LINGO2: variants seen among roughly 807,000 people sequenced by gnomAD.
LINGO2 encodes the protein leucine-rich repeat and immunoglobulin-like domain-containing nogo receptor-interacting protein 2.
In LINGO2, 14 loss-of-function variants were observed where a neutral mutation model predicts 30.6. The observed-to-expected ratio is 0.46, with a 90% confidence interval of 0.30 to 0.72. The LOEUF (loss-of-function observed/expected upper bound fraction) is 0.72. Ranked by LOEUF, LINGO2 falls within the 30% of genes least tolerant of loss-of-function variation. The pLI is 0.07. For missense variants in LINGO2, 729 were observed against 751.7 expected (o/e 0.97, Z 0.35); for synonymous variants, 317 against 288.5 (o/e 1.10, Z -1.00).
At chr9:28,760,567 C>A in the LINGO2 span, among the ~76,000 whole-genome samples, 10 of 151,860 alleles carry the variant, frequency 6.6e-5, no homozygotes, top group Admixed American at 6.6e-4. Flanking sequence ...TGAGTAAGTT[C>A]TTTAGCGGTG....
chr9:28,507,897 A>T (rs1440384593), intron 1 of LINGO2, among the ~76,000 whole-genome samples: 1 of 152,062 alleles, frequency 6.6e-6, no homozygotes, highest in African/African-American at 2.4e-5. Context: ...CTTAGGTATT[A>T]TATTTTGTGA....
intron 1 of LINGO2, among the ~76,000 whole-genome samples, chr9:28,589,437 A>T (rs1824749402): frequency 6.6e-6 from 1 of 152,150 alleles, no homozygotes. Context: ...TAAGCTGATA[A>T]GCAACTTCAG....
intron 3 of LINGO2, among the ~76,000 whole-genome samples, chr9:28,362,052 G>T (rs1209922513): frequency 1.3e-5 from 2 of 152,166 alleles, no homozygotes; most frequent in Non-Finnish European, 2.9e-5. Context: ...CATAATACTT[G>T]CTAAAACATA....
chr9:28,837,643 G>A, the LINGO2 span, among the ~76,000 whole-genome samples: 7 of 51,422 alleles, frequency 1.4e-4, no homozygotes, highest in East Asian at 9.0e-4. Flanking sequence ...GCAAAACTCC[G>A]TCTAAAATAT....
At chr9:27,955,405 A>AG (rs1265482912) in intron 5 of LINGO2, among the ~76,000 whole-genome samples, 4 of 152,190 alleles carry the variant, frequency 2.6e-5, no homozygotes, top group Non-Finnish European at 5.9e-5. Context: ...CACCTTTGTA[A>AG]GCACCATCAC....
At chr9:28,264,684 A>C (rs1352143328) in intron 4 of LINGO2, among the ~76,000 whole-genome samples, 1 of 151,924 alleles carries the variant, frequency 6.6e-6, no homozygotes, top group Non-Finnish European at 1.5e-5. Context: ...TCGGCCACAC[A>C]CACTGAGTAC....
At chr9:28,281,119 GA>G (rs558795525) in intron 4 of LINGO2, among the ~76,000 whole-genome samples, 12 of 152,196 alleles carry the variant, frequency 7.9e-5, no homozygotes, top group Admixed American at 7.2e-4. Flanking sequence ...AGAGTTACTG[GA>G]AAAGAAGGTA....
the LINGO2 span, among the ~76,000 whole-genome samples, chr9:28,755,783 G>A: frequency 6.6e-6 from 1 of 152,034 alleles, no homozygotes; most frequent in Non-Finnish European, 1.5e-5. Flanking sequence ...TTAAATGTTT[G>A]CTCCGTGTCT....
At chr9:28,235,692 A>G (rs1821537121) in intron 4 of LINGO2, among the ~76,000 whole-genome samples, 1 of 152,190 alleles carries the variant, frequency 6.6e-6, no homozygotes, top group African/African-American at 2.4e-5. Flanking sequence ...AATGCCACTG[A>G]CATGCTGAAG....
the LINGO2 span, among the ~76,000 whole-genome samples, chr9:29,162,543 C>G: frequency 6.6e-6 from 1 of 151,750 alleles, no homozygotes; most frequent in South Asian, 2.1e-4. Flanking sequence ...ATGAAAGGCA[C>G]AATAGATGAA....
chr9:28,578,475 A>T (rs1345399702), intron 1 of LINGO2, among the ~76,000 whole-genome samples: 1 of 152,178 alleles, frequency 6.6e-6, no homozygotes, highest in East Asian at 1.9e-4. Flanking sequence ...TAATGATATT[A>T]TAGAAAGTTC....
chr9:29,114,331 C>T, the LINGO2 span, among the ~76,000 whole-genome samples: 1 of 150,996 alleles, frequency 6.6e-6, no homozygotes, highest in Non-Finnish European at 1.5e-5. Flanking sequence ...TGCAGAGAAC[C>T]AAGTCCACCC....
the LINGO2 span, among the ~76,000 whole-genome samples, chr9:28,924,635 A>G: frequency 6.6e-6 from 1 of 152,208 alleles, no homozygotes; most frequent in Non-Finnish European, 1.5e-5. Flanking sequence ...CCAACTATAG[A>G]TGTTTGGAAG....
At chr9:29,059,088 TGA>T in the LINGO2 span, among the ~76,000 whole-genome samples, 2 of 151,686 alleles carry the variant, frequency 1.3e-5, no homozygotes, top group Admixed American at 1.3e-4. Flanking sequence ...ACAAAACATA[TGA>T]GAGATTTATA....
chr9:29,038,371 G>T, the LINGO2 span, among the ~76,000 whole-genome samples: 1 of 151,902 alleles, frequency 6.6e-6, no homozygotes, highest in African/African-American at 2.4e-5. Flanking sequence ...TCTTATGTTT[G>T]TTGGCCATTT....
chr9:28,462,557 C>T (rs982630779), intron 2 of LINGO2, among the ~76,000 whole-genome samples: 2 of 151,836 alleles, frequency 1.3e-5, no homozygotes, highest in Admixed American at 6.6e-5. Flanking sequence ...TTTCTGTCAC[C>T]TTTCTCTTCA....
intron 1 of LINGO2, among the ~76,000 whole-genome samples, chr9:28,581,366 C>T (rs1824249722): frequency 6.6e-6 from 1 of 151,760 alleles, no homozygotes; most frequent in Non-Finnish European, 1.5e-5. Flanking sequence ...CCTGCAGTTA[C>T]ACAATGACTG....
At chr9:28,918,138 TA>T in the LINGO2 span, among the ~76,000 whole-genome samples, 1 of 152,068 alleles carries the variant, frequency 6.6e-6, no homozygotes, top group Non-Finnish European at 1.5e-5. Flanking sequence ...TAATCGGACT[TA>T]CAGTTCCACA....
At chr9:28,010,542 G>A (rs943657633) in intron 5 of LINGO2, among the ~76,000 whole-genome samples, 36 of 152,190 alleles carry the variant, frequency 2.4e-4, no homozygotes, top group African/African-American at 8.2e-4. Context: ...AAACAGGGAT[G>A]GAGTTTCTAG....
Sources: gnomAD v4.1 joint callset for allele counts (sites outside exome capture counted in the v4.1 genomes callset) on GRCh38, gnomAD v4.1.1 for gene constraint, MANE v1.5 for transcripts, NCBI Gene and HGNC (gene_info 2026-07-23, HGNC 2026-07-21) for gene names.